DOCK5: variants seen among roughly 807,000 people sequenced by gnomAD.
The protein encoded by DOCK5 is dedicator of cytokinesis protein 5.
Under a neutral mutation model 251.8 loss-of-function variants are expected in DOCK5, and 142 were observed. The ratio of observed to expected loss-of-function variants is 0.56; its 90% CI spans 0.49 to 0.65. DOCK5 has a LOEUF of 0.65. Among genes scored for constraint, DOCK5 ranks in the 30% least tolerant of loss-of-function variants. The pLI, the probability that DOCK5 is intolerant of heterozygous loss-of-function variation, is 0.00. For missense variants in DOCK5, 2,111 were observed against 2,312.3 expected, an observed-to-expected ratio of 0.91 and a Z score of 1.79; for synonymous variants, 842 against 835.5, an observed-to-expected ratio of 1.01 and a Z score of -0.13.
chr8:25,399,910 G>A lies in DOCK5; in HGVS notation c.4705-1G>A. 1 of 1,610,582 alleles carries A rather than the reference G, an allele frequency of 6.2e-7. No individual in the cohort carries two copies. Among genetic ancestry groups the A allele is most frequent in the Non-Finnish European group, 8.5e-7 (1 of 1,178,328 alleles). ...TAAAACTTGCATATGCTTTTTTTTAGGCTTTTTTTACAGAAAAGTACTTGC... is the reference window on the plus strand; with the variant it reads ...TAAAACTTGCATATGCTTTTTTTTAAGCTTTTTTTACAGAAAAGTACTTGC... On this transcript the variant is annotated splice_acceptor_variant, in intron 45 of 51. Coordinates refer to ENST00000276440, the MANE Select transcript of DOCK5 (RefSeq NM_024940.8). LOFTEE classifies it high-confidence loss of function.
rs149134953 is a variant in DOCK5 at position 25,238,942 on chromosome 8, G to A, written c.44-4732G>A. On this transcript the variant is annotated intron_variant, in intron 1 of 51. Coordinates refer to ENST00000276440, the MANE Select transcript of DOCK5 (RefSeq NM_024940.8). The stretch of plus-strand genomic sequence containing the variant: ...CATAGGGATTTCCTTCTAATTGATG[G>A]CAGACAATTACACAAGATTGTCTAT... 3.5e-3 allele frequency among the ~76,000 whole-genome samples: 529 copies of A among 152,278 alleles called. 3 individuals are homozygous for A. The highest frequency in any genetic ancestry group is 6.8e-3 in the Middle Eastern group (2 of 294).
chr8:25,374,908 T>C (rs965198352), intron 37 of DOCK5: 17 of 1,303,730 alleles, frequency 1.3e-5, no homozygotes, highest in Non-Finnish European at 1.7e-5. Context: ...GACACTCTAA[T>C]TAAAGCAATA....
intron 1 of DOCK5, among the ~76,000 whole-genome samples, chr8:25,206,316 T>C (rs1364869952): frequency 1.3e-5 from 2 of 152,164 alleles, no homozygotes; most frequent in Non-Finnish European, 2.9e-5. Context: ...TTCTTCCTCT[T>C]TAACCATTCA....
intron 26 of DOCK5, among the ~76,000 whole-genome samples, chr8:25,350,033 A>T (rs897128914): frequency 3.3e-5 from 5 of 152,164 alleles, no homozygotes; most frequent in African/African-American, 1.2e-4. Context: ...CAGGGGCAGG[A>T]TGGGGAGATG....
At chr8:25,374,527 C>T (rs374304677) in intron 36 of DOCK5, 37 bp from the exon 37 acceptor site, 70 of 1,573,532 alleles carry the variant, frequency 4.4e-5, no homozygotes, top group Non-Finnish European at 5.4e-5. Context: ...ATAAAACTCT[C>T]GAGTGACAAA....
rs1421645125 is a variant in DOCK5, at chr8:25,413,829, C to T, written c.*2531C>T. ...TAGTATTGTGGCTAAGAGATTACAG[C>T]GGACGATGGAAGGTTCATTTTTTAG... On this transcript the variant is annotated 3_prime_UTR_variant, in exon 52 of 52. Coordinates refer to ENST00000276440, the MANE Select transcript of DOCK5 (RefSeq NM_024940.8). 1.3e-5 allele frequency: 2 copies of T among 152,198 alleles called. No homozygotes were observed. Among genetic ancestry groups the T allele is most frequent in the South Asian group, 2.1e-4 (1 of 4,824 alleles). 9.4% of individuals were successfully genotyped at this position (152,198 alleles called of 1,614,324 possible). A position where few individuals can be genotyped will look rare whatever the true frequency, so the allele number is the denominator to read the frequency against.
At chr8:25,251,158 G>A (rs1325270444) in intron 2 of DOCK5, among the ~76,000 whole-genome samples, 1 of 152,062 alleles carries the variant, frequency 6.6e-6, no homozygotes, top group African/African-American at 2.4e-5. Flanking sequence ...TTTCTGCTCC[G>A]TAAACCACTC....
chr8:25,275,571 A>C, intron 4 of DOCK5, 130 bp downstream of exon 4: 1 of 898,304 alleles, frequency 1.1e-6, no homozygotes, highest in Non-Finnish European at 1.6e-6. Flanking sequence ...GTGGTGGCTC[A>C]CGCCTGTAAT....
chr8:25,262,690 G>A (rs966888616), intron 2 of DOCK5, among the ~76,000 whole-genome samples: 5 of 152,010 alleles, frequency 3.3e-5, no homozygotes, highest in African/African-American at 1.2e-4. Context: ...TTCAGCCAAT[G>A]TTTTATGCCA....
At chr8:25,393,153 G>A (rs1361104928) in intron 44 of DOCK5, among the ~76,000 whole-genome samples, 6 of 152,172 alleles carry the variant, frequency 3.9e-5, no homozygotes, top group African/African-American at 1.4e-4. Flanking sequence ...CCAGCACCCA[G>A]AAACATTTTT....
chr8:25,311,708 G>A (rs1175086224), intron 13 of DOCK5, among the ~76,000 whole-genome samples: 1 of 151,840 alleles, frequency 6.6e-6, no homozygotes, highest in Non-Finnish European at 1.5e-5. Flanking sequence ...GATCACATGA[G>A]GTCAGGACTT....
intron 1 of DOCK5, among the ~76,000 whole-genome samples, chr8:25,231,196 C>T (rs1294991973): frequency 6.6e-6 from 1 of 152,144 alleles, no homozygotes; most frequent in Non-Finnish European, 1.5e-5. Flanking sequence ...TTTCAATTCT[C>T]TCTACATTCT....
chr8:25,341,121 G>A (rs1805946022), intron 23 of DOCK5, 133 bp downstream of exon 23: 1 of 591,500 alleles, frequency 1.7e-6, no homozygotes, highest in Admixed American at 3.4e-5. Flanking sequence ...ATTTTAGTAT[G>A]ATTTACAGAA....
chr8:25,379,197 AT>A (rs1801020679), intron 38 of DOCK5, among the ~76,000 whole-genome samples: 1 of 152,154 alleles, frequency 6.6e-6, no homozygotes, highest in Non-Finnish European at 1.5e-5. Context: ...CTGACCAAAA[AT>A]TTACCAGAGT....
At chr8:25,188,333 C>G (rs1166997243) in intron 1 of DOCK5, among the ~76,000 whole-genome samples, 1 of 152,200 alleles carries the variant, frequency 6.6e-6, no homozygotes, top group African/African-American at 2.4e-5. Context: ...CTGGACTTCT[C>G]TAAGTGTGTA....
chr8:25,403,724 G>A lies in DOCK5; in HGVS notation c.5093G>A (p.Gly1698Asp), dbSNP rs771868527. 24 of 1,613,594 alleles carry A rather than the reference G, an allele frequency of 1.5e-5. No homozygotes were observed. The highest frequency in any genetic ancestry group is 1.9e-5 in the Non-Finnish European group (22 of 1,179,734). ...DNAPSRPGSD[G>D]SILEPLLERR... is the part of the protein sequence containing the mutation. ...GCTCCTTCCAGACCGGGATCTGATG[G>A]GTAAGGGTTTCATCTTTAATCTGCA... is the stretch of plus-strand genomic sequence containing the variant. The change falls in exon 48 of 52, where the codon GGC becomes GAC. Residue 1698 changes from glycine to aspartate, a missense_variant and splice_region_variant. By Grantham distance (94) the Gly-to-Asp change is moderately conservative (BLOSUM62 -1). Coordinates refer to ENST00000276440, the MANE Select transcript of DOCK5 (RefSeq NM_024940.8).
intron 49 of DOCK5, 21 bp from the exon 50 acceptor site, chr8:25,408,781 G>C: frequency 3.7e-6 from 6 of 1,613,292 alleles, no homozygotes; most frequent in Non-Finnish European, 5.1e-6. Flanking sequence ...AAAATGTTTT[G>C]CTTTTTCTCT....
intron 30 of DOCK5, among the ~76,000 whole-genome samples, chr8:25,365,363 T>C (rs1468693477): frequency 6.6e-6 from 1 of 152,232 alleles, no homozygotes; most frequent in Non-Finnish European, 1.5e-5. Context: ...TGTCTTTGCG[T>C]GTATCTGTGG....
intron 8 of DOCK5, among the ~76,000 whole-genome samples, chr8:25,300,314 A>G: frequency 6.6e-6 from 1 of 152,204 alleles, no homozygotes; most frequent in East Asian, 1.9e-4. Flanking sequence ...GTCTGTGCCC[A>G]CCAGGAGCAG....
Sources: gnomAD v4.1 joint callset for allele counts (sites outside exome capture counted in the v4.1 genomes callset) on GRCh38, gnomAD v4.1.1 for gene constraint, MANE v1.5 for transcripts, NCBI Gene and HGNC (gene_info 2026-07-23, HGNC 2026-07-21) for gene names.